CAMK1D: variants seen among roughly 807,000 people sequenced by gnomAD.
CAMK1D encodes the protein calcium/calmodulin dependent protein kinase ID.
In CAMK1D, 9 loss-of-function variants were observed where a neutral mutation model predicts 47.7. The observed-to-expected ratio is 0.19, with a 90% confidence interval of 0.11 to 0.33. The LOEUF (loss-of-function observed/expected upper bound fraction) is 0.33. Among genes scored for constraint, CAMK1D ranks in the 10% least tolerant of loss-of-function variants. The probability of loss-of-function intolerance (pLI) is 1.00; values close to 1 mark genes in which losing one functional copy is unlikely to be tolerated. For missense variants in CAMK1D, 291 were observed against 488.7 expected, an observed-to-expected ratio of 0.60 and a Z score of 3.81; for synonymous variants, 184 against 184.9, an observed-to-expected ratio of 0.99 and a Z score of 0.04.
chr10:12,584,483 G>C (rs922607437), intron 2 of CAMK1D, among the ~76,000 whole-genome samples: 2 of 152,100 alleles, frequency 1.3e-5, no homozygotes, highest in African/African-American at 4.8e-5. Context: ...CAAAGAGGTG[G>C]GTATCAAGGA....
At chr10:12,736,037 G>A (rs192220223) in intron 3 of CAMK1D, among the ~76,000 whole-genome samples, 33 of 152,338 alleles carry the variant, frequency 2.2e-4, no homozygotes, top group African/African-American at 7.5e-4. Context: ...CTGGCAGAGG[G>A]AGCTCATGCA....
At chr10:12,734,426 A>G (rs1470578861) in intron 3 of CAMK1D, among the ~76,000 whole-genome samples, 2 of 42,230 alleles carry the variant, frequency 4.7e-5, no homozygotes, top group Middle Eastern at 8.6e-3. Context: ...ACACATGTAT[A>G]TATATATACA....
At chr10:12,541,651 C>T (rs181484593) in intron 1 of CAMK1D, among the ~76,000 whole-genome samples, 167 of 151,738 alleles carry the variant, frequency 1.1e-3, no homozygotes, top group Non-Finnish European at 1.8e-3. Context: ...TGAGCCACTG[C>T]GCCCAGCTGA....
intron 3 of CAMK1D, among the ~76,000 whole-genome samples, chr10:12,732,449 G>C (rs891994350): frequency 6.6e-6 from 1 of 152,218 alleles, no homozygotes; most frequent in African/African-American, 2.4e-5. Context: ...TCCAAGACTG[G>C]GAGGAAAAAG....
chr10:12,770,130 G>A (rs1172611937), intron 5 of CAMK1D, among the ~76,000 whole-genome samples: 1 of 152,102 alleles, frequency 6.6e-6, no homozygotes, highest in East Asian at 1.9e-4. Context: ...TGTTTCTGAG[G>A]GATTTACAAT....
intron 2 of CAMK1D, among the ~76,000 whole-genome samples, chr10:12,564,373 A>G (rs565212174): frequency 6.6e-6 from 1 of 152,158 alleles, no homozygotes; most frequent in East Asian, 1.9e-4. Context: ...TGGTTTTGGC[A>G]TGATTCATAT....
chr10:12,828,233 G>A (rs1174264088), intron 10 of CAMK1D, among the ~76,000 whole-genome samples: 1 of 152,162 alleles, frequency 6.6e-6, no homozygotes. Flanking sequence ...CAAACACAAA[G>A]CAGTTAAAAT....
At chr10:12,602,698 GT>G (rs1200806627) in intron 2 of CAMK1D, among the ~76,000 whole-genome samples, 1 of 152,004 alleles carries the variant, frequency 6.6e-6, no homozygotes, top group Non-Finnish European at 1.5e-5. Flanking sequence ...CTTAGGAAAT[GT>G]TTGTTTGGGG....
At chr10:12,645,787 C>T (rs756892593) in intron 2 of CAMK1D, among the ~76,000 whole-genome samples, 4 of 152,154 alleles carry the variant, frequency 2.6e-5, no homozygotes, top group Non-Finnish European at 5.9e-5. Flanking sequence ...TCATGTCTGC[C>T]ACGCCATCTG....
chr10:12,652,810 A>G (rs955329405), intron 2 of CAMK1D, among the ~76,000 whole-genome samples: 3 of 152,214 alleles, frequency 2.0e-5, no homozygotes, highest in Non-Finnish European at 2.9e-5. Flanking sequence ...TAAAACTGCA[A>G]TTTGGAGAGG....
intron 1 of CAMK1D, among the ~76,000 whole-genome samples, chr10:12,455,905 G>C (rs1833228999): frequency 6.6e-6 from 1 of 152,196 alleles, no homozygotes; most frequent in Non-Finnish European, 1.5e-5. Flanking sequence ...CATATGACTT[G>C]TATTTAGCCA....
intron 3 of CAMK1D, among the ~76,000 whole-genome samples, chr10:12,713,496 C>T (rs754734793): frequency 2.6e-5 from 4 of 152,134 alleles, no homozygotes; most frequent in African/African-American, 7.2e-5. Flanking sequence ...GTCTCTCTGT[C>T]GGCACGGTAC....
intron 2 of CAMK1D, among the ~76,000 whole-genome samples, chr10:12,558,844 G>A (rs974383100): frequency 1.3e-5 from 2 of 152,152 alleles, no homozygotes; most frequent in Admixed American, 6.5e-5. Flanking sequence ...TGCAGAGATT[G>A]TCTTGCCTTG....
intron 6 of CAMK1D, among the ~76,000 whole-genome samples, chr10:12,813,329 G>A (rs150376667): frequency 4.5e-4 from 69 of 152,296 alleles, no homozygotes; most frequent in South Asian, 8.3e-4. Context: ...ACAATGTGCA[G>A]GTTATGGTGT....
At position 12,606,027 on chromosome 10, in the gene CAMK1D, G is replaced by A. The variant is rs193064491; in HGVS notation, c.224+52671G>A. ...GGTCATCGTAGGCCTGACTTCTAGG[G>A]CACATCGTCAGATCGAGGTCGGAGA... On this transcript the variant is annotated intron_variant, in intron 2 of 10. Transcript: ENST00000619168. 5.4e-4 allele frequency among the ~76,000 whole-genome samples: 82 copies of A among 152,334 alleles called. No individual in the cohort carries two copies. In the East Asian group the frequency reaches 0.014, roughly 27 times the overall value.
At chr10:12,475,939 C>T (rs550059264) in intron 1 of CAMK1D, among the ~76,000 whole-genome samples, 5 of 151,836 alleles carry the variant, frequency 3.3e-5, no homozygotes, top group South Asian at 2.1e-4. Flanking sequence ...TTGAGCGCAG[C>T]GTAGGAAATA....
At chr10:12,811,339 T>C (rs1480433376) in intron 6 of CAMK1D, among the ~76,000 whole-genome samples, 1 of 152,094 alleles carries the variant, frequency 6.6e-6, no homozygotes, top group East Asian at 2.0e-4. Flanking sequence ...AGCCCAAGGT[T>C]GTTACTTCTG....
At chr10:12,740,656 C>T (rs752345744) in intron 3 of CAMK1D, among the ~76,000 whole-genome samples, 1 of 152,144 alleles carries the variant, frequency 6.6e-6, no homozygotes, top group Non-Finnish European at 1.5e-5. Context: ...GTAGGATGGA[C>T]TGATGAGGCT....
At chr10:12,637,229 C>A (rs1271430647) in intron 2 of CAMK1D, among the ~76,000 whole-genome samples, 1 of 152,204 alleles carries the variant, frequency 6.6e-6, no homozygotes, top group Non-Finnish European at 1.5e-5. Context: ...GCCTCAGCCT[C>A]CCAAAGTGCC....
Sources: allele counts gnomAD v4.1 joint callset (sites outside exome capture counted in the v4.1 genomes callset), GRCh38; gene constraint gnomAD v4.1.1; transcripts MANE v1.5; gene names NCBI Gene and HGNC (gene_info 2026-07-23, HGNC 2026-07-21).